FAT3: variants seen among roughly 807,000 people sequenced by gnomAD.
FAT3 encodes the protein FAT atypical cadherin 3.
FAT3 carries 95 observed loss-of-function variants against 310.2 expected under a neutral mutation model. That is an observed-to-expected ratio of 0.31 (90% confidence interval 0.26 to 0.36). The LOEUF is 0.36. FAT3 is among the 10% of genes least tolerant of loss of function. The pLI is 1.00. For missense variants in FAT3, 5,408 were observed against 5,715.6 expected (o/e 0.95, Z 1.74); for synonymous variants, 2,314 against 2,192.9 (o/e 1.06, Z -1.54).
intron 22 of FAT3, 61 bp downstream of exon 22, chr11:92,867,270 C>T: frequency 2.1e-6 from 3 of 1,444,800 alleles, no homozygotes; most frequent in Non-Finnish European, 2.8e-6. Flanking sequence ...GAATGAACTG[C>T]AGGGGGATCC....
chr11:92,556,614 G>A (rs531638964), intron 3 of FAT3, among the ~76,000 whole-genome samples: 8 of 152,216 alleles, frequency 5.3e-5, no homozygotes, highest in South Asian at 2.1e-4. Context: ...TACACTGAGC[G>A]CGGTACTCTC....
At chr11:92,677,190 T>A (rs1943313173) in intron 3 of FAT3, among the ~76,000 whole-genome samples, 1 of 152,214 alleles carries the variant, frequency 6.6e-6, no homozygotes, top group African/African-American at 2.4e-5. Flanking sequence ...GCTTTTTCCA[T>A]TTTCTTTTGG....
chr11:92,568,697 T>C (rs1338571061), intron 3 of FAT3, among the ~76,000 whole-genome samples: 2 of 152,224 alleles, frequency 1.3e-5, no homozygotes, highest in East Asian at 1.9e-4. Context: ...CCTGCTTTGC[T>C]AGTCTTGTTA....
chr11:92,336,362 TC>T, intron 1 of FAT3: 1 of 372,798 alleles, frequency 2.7e-6, no homozygotes, highest in East Asian at 6.7e-5. Context: ...GGGGCTGTTT[TC>T]CCACCACAGC....
At chr11:92,853,339 A>G (rs1948882907) in intron 19 of FAT3, among the ~76,000 whole-genome samples, 1 of 152,260 alleles carries the variant, frequency 6.6e-6, no homozygotes, top group African/African-American at 2.4e-5. Flanking sequence ...GCATCCGGAC[A>G]TGCAGAATGC....
intron 3 of FAT3, among the ~76,000 whole-genome samples, chr11:92,638,664 G>T (rs1941855160): frequency 6.6e-6 from 1 of 152,166 alleles, no homozygotes; most frequent in African/African-American, 2.4e-5. Flanking sequence ...CATAGGAAAT[G>T]TCAGCACCAA....
chr11:92,463,691 G>C (rs1404925075), intron 2 of FAT3, among the ~76,000 whole-genome samples: 3 of 152,036 alleles, frequency 2.0e-5, no homozygotes, highest in African/African-American at 7.2e-5. Flanking sequence ...GTAATTTTTG[G>C]AATCTGTATT....
intron 3 of FAT3, among the ~76,000 whole-genome samples, chr11:92,582,958 A>G (rs1938895955): frequency 6.6e-6 from 1 of 152,046 alleles, no homozygotes; most frequent in Non-Finnish European, 1.5e-5. Flanking sequence ...ATTGTGCACG[A>G]TAAGGTACCT....
intron 1 of FAT3, among the ~76,000 whole-genome samples, chr11:92,334,196 C>T (rs1445588364): frequency 6.6e-6 from 1 of 151,920 alleles, no homozygotes; most frequent in East Asian, 1.9e-4. Flanking sequence ...GGCAACATGG[C>T]AAAACCCTGT....
At chr11:92,335,419 G>A (rs1008924514) in intron 1 of FAT3, among the ~76,000 whole-genome samples, 1 of 152,062 alleles carries the variant, frequency 6.6e-6, no homozygotes, top group Non-Finnish European at 1.5e-5. Flanking sequence ...TATTATGCAT[G>A]TCCTTGGGTT....
chr11:92,697,431 G>A lies in FAT3; in HGVS notation c.3655G>A (p.Glu1219Lys), dbSNP rs1943975610. ...SRKLDREQQA[E>K]HFLEVTVTDG... The stretch of plus-strand genomic sequence containing the variant: ...GAAATTGGATCGAGAACAGCAGGCA[G>A]AACATTTTCTGGAGGTAAGCGCATA... Residue 1219 changes from glutamate to lysine, a missense_variant, in exon 4 of 28, where the codon GAA (glutamate) becomes AAA (lysine). Around this residue, in one of 5 missense-constraint regions of FAT3, gnomAD observed 4,588 missense variants for 4,809.8 expected, o/e 0.95. Transcript: ENST00000525166. 6.2e-7 allele frequency: 1 copy of A among 1,613,850 alleles called. No homozygotes were observed.
chr11:92,315,512 T>TAGAGAGAG lies in FAT3; in HGVS notation c.-17-36548_-17-36541dup, dbSNP rs374021850. On this transcript the variant is annotated intron_variant, in intron 1 of 27. Coordinates refer to ENST00000525166, the MANE Select transcript of FAT3 (RefSeq NM_001367949.2). ...ATATATATATATATATATATATATATAGAGAGAGAGAGAGAGAGAGAGAGA... is the reference window on the plus strand; with the variant it reads ...ATATATATATATATATATATATATATAGAGAGAGAGAGAGAGAGAGAGAGAGAGAGAGA... Among the ~76,000 whole-genome samples the TAGAGAGAG allele has an allele frequency of 1.9e-3, 109 of 56,152 alleles. 1 individual carries two copies. Among genetic ancestry groups the TAGAGAGAG allele is most frequent in the East Asian group, 3.2e-3 (5 of 1,552 alleles). 36.8% of individuals were successfully genotyped at this position (56,152 alleles called of 152,430 possible).
intron 2 of FAT3, among the ~76,000 whole-genome samples, chr11:92,508,293 TG>T (rs1231564423): frequency 1.1e-4 from 17 of 152,270 alleles, no homozygotes; most frequent in African/African-American, 3.8e-4. Flanking sequence ...TAAAATCACC[TG>T]TGAAAGAGTG....
intron 2 of FAT3, among the ~76,000 whole-genome samples, chr11:92,495,936 A>G (rs1032819512): frequency 6.6e-6 from 1 of 152,082 alleles, no homozygotes; most frequent in Non-Finnish European, 1.5e-5. Context: ...TTGAAGAGAC[A>G]CTTCCAAGTG....
At chr11:92,309,847 T>C (rs1254069781) in intron 1 of FAT3, among the ~76,000 whole-genome samples, 1 of 152,164 alleles carries the variant, frequency 6.6e-6, no homozygotes, top group African/African-American at 2.4e-5. Flanking sequence ...TGTAATTTGT[T>C]GCTGCAAAGA....
rs76187990 is a variant in FAT3, at chr11:92,607,317, G to C, written c.3607+82369G>C. 7.2e-3 allele frequency among the ~76,000 whole-genome samples: 1,092 copies of C among 152,174 alleles called. 14 individuals carry two copies. The highest frequency in any genetic ancestry group is 0.025 in the African/African-American group (1,021 of 41,510). The stretch of plus-strand genomic sequence containing the variant: ...CTGCTGAAAGAGGAGACTAAGGAAG[G>C]GGGGTGGGGGGAAATGACTTGCCCA... On this transcript the variant is annotated intron_variant, in intron 3 of 27. Coordinates refer to ENST00000525166, the MANE Select transcript of FAT3 (RefSeq NM_001367949.2).
chr11:92,777,357 TC>T (rs1946624758), intron 7 of FAT3, among the ~76,000 whole-genome samples: 1 of 152,190 alleles, frequency 6.6e-6, no homozygotes, highest in Admixed American at 6.6e-5. Context: ...TTCAGTTTTG[TC>T]CTATTCTCCC....
At chr11:92,876,339 A>G (rs1262387977) in intron 22 of FAT3, among the ~76,000 whole-genome samples, 1 of 152,178 alleles carries the variant, frequency 6.6e-6, no homozygotes, top group Non-Finnish European at 1.5e-5. Context: ...GTTTTTCCCA[A>G]TCCCAGCTGC....
At chr11:92,384,102 T>TA (rs1323764488) in intron 2 of FAT3, among the ~76,000 whole-genome samples, 1 of 152,156 alleles carries the variant, frequency 6.6e-6, no homozygotes, top group Non-Finnish European at 1.5e-5. Flanking sequence ...TTAAGTGTGG[T>TA]AAGTCATTAA....
Sources: gnomAD v4.1 joint callset for allele counts (sites outside exome capture counted in the v4.1 genomes callset) on GRCh38, gnomAD v4.1.1 for gene constraint, gnomAD v4.1.1 regional missense constraint, MANE v1.5 for transcripts, NCBI Gene and HGNC (gene_info 2026-07-23, HGNC 2026-07-21) for gene names.